CTNND2: variants seen among roughly 807,000 people sequenced by gnomAD.
CTNND2 encodes catenin delta-2.
Under a neutral mutation model 144.4 loss-of-function variants are expected in CTNND2, and 22 were observed. The ratio of observed to expected loss-of-function variants is 0.15; its 90% CI spans 0.11 to 0.22. CTNND2 has a LOEUF of 0.22. CTNND2 is among the 10% of genes least tolerant of loss of function. The pLI, the probability that CTNND2 is intolerant of heterozygous loss-of-function variation, is 1.00. For synonymous variants in CTNND2, 751 were observed against 695.6 expected (o/e 1.08, Z -1.25); for missense variants, 1,353 against 1,618.8 (o/e 0.84, Z 2.82).
intron 9 of CTNND2, among the ~76,000 whole-genome samples, chr5:11,237,038 T>A (rs981236708): frequency 6.6e-6 from 1 of 151,050 alleles, no homozygotes; most frequent in Non-Finnish European, 1.5e-5. Context: ...TTTTTTTTTT[T>A]AGACAGAATC....
intron 2 of CTNND2, among the ~76,000 whole-genome samples, chr5:11,600,892 TG>T (rs1450283998): frequency 6.6e-6 from 1 of 151,654 alleles, no homozygotes; most frequent in Non-Finnish European, 1.5e-5. Flanking sequence ...GTAGACATTG[TG>T]AAGTCATCCA....
intron 3 of CTNND2, among the ~76,000 whole-genome samples, chr5:11,422,630 A>AG (rs1762464762): frequency 8.0e-6 from 1 of 124,546 alleles, no homozygotes; most frequent in African/African-American, 5.1e-5. Context: ...CAGCCAAACC[A>AG]GGGAGAATTC....
At chr5:11,117,336 G>A in intron 13 of CTNND2, 114 bp downstream of exon 13, 1 of 784,230 alleles carries the variant, frequency 1.3e-6, no homozygotes, top group East Asian at 2.5e-5. Flanking sequence ...CCAGGAGAGA[G>A]TTCAGAAGGA....
intron 3 of CTNND2, among the ~76,000 whole-genome samples, chr5:11,552,097 C>G (rs1775814335): frequency 6.6e-6 from 1 of 152,190 alleles, no homozygotes; most frequent in African/African-American, 2.4e-5. Flanking sequence ...AGTAAAACCC[C>G]AGAAGGCAAG....
At chr5:11,381,801 A>G (rs1758507886) in intron 7 of CTNND2, among the ~76,000 whole-genome samples, 1 of 151,936 alleles carries the variant, frequency 6.6e-6, no homozygotes, top group Non-Finnish European at 1.5e-5. Context: ...CCCCGTCTCT[A>G]CTAAAAATAC....
chr5:11,717,623 A>G (rs1041090379), intron 2 of CTNND2, among the ~76,000 whole-genome samples: 1 of 152,082 alleles, frequency 6.6e-6, no homozygotes, highest in Non-Finnish European at 1.5e-5. Context: ...TTATAAAGGA[A>G]AGAGGTTTAA....
intron 3 of CTNND2, among the ~76,000 whole-genome samples, chr5:11,549,004 T>G (rs537333014): frequency 3.3e-5 from 5 of 152,322 alleles, no homozygotes; most frequent in African/African-American, 1.2e-4. Context: ...CCCCAAAAGG[T>G]AGTTTAACTA....
chr5:11,237,633 TG>T (rs1228560121), intron 9 of CTNND2, among the ~76,000 whole-genome samples: 1 of 152,144 alleles, frequency 6.6e-6, no homozygotes, highest in Non-Finnish European at 1.5e-5. Context: ...CCCAAATAGC[TG>T]GGGTTACAGG....
intron 12 of CTNND2, among the ~76,000 whole-genome samples, chr5:11,136,691 T>C (rs965595370): frequency 2.0e-5 from 3 of 152,246 alleles, no homozygotes; most frequent in African/African-American, 4.8e-5. Flanking sequence ...CATGTATCTC[T>C]TATATGTTCT....
intron 15 of CTNND2, among the ~76,000 whole-genome samples, chr5:11,093,124 T>C (rs1750947586): frequency 6.6e-6 from 1 of 152,216 alleles, no homozygotes; most frequent in Non-Finnish European, 1.5e-5. Flanking sequence ...ATTTTTAAAA[T>C]AAATGGCAAA....
intron 9 of CTNND2, among the ~76,000 whole-genome samples, chr5:11,330,901 T>C (rs1403038737): frequency 5.9e-5 from 9 of 152,172 alleles, no homozygotes; most frequent in Non-Finnish European, 1.3e-4. Context: ...TACGCAGTGT[T>C]TGAGTTCCTA....
chr5:11,201,380 G>C (rs938223352), intron 10 of CTNND2, among the ~76,000 whole-genome samples: 1 of 151,876 alleles, frequency 6.6e-6, no homozygotes, highest in South Asian at 2.1e-4. Flanking sequence ...CCTCTTTAAA[G>C]ACAACAAACA....
intron 1 of CTNND2, among the ~76,000 whole-genome samples, chr5:11,887,569 A>G (rs561523652): frequency 1.4e-4 from 21 of 152,206 alleles, no homozygotes; most frequent in African/African-American, 5.1e-4. Context: ...TTTATCTTTT[A>G]GGACCTAATT....
At chr5:11,208,799 A>C (rs1738317889) in intron 10 of CTNND2, among the ~76,000 whole-genome samples, 1 of 152,218 alleles carries the variant, frequency 6.6e-6, no homozygotes, top group African/African-American at 2.4e-5. Context: ...CATTATAAAC[A>C]AACTTAAAGT....
chr5:11,164,301 CT>C (rs1482045172), intron 11 of CTNND2, among the ~76,000 whole-genome samples: 2 of 152,070 alleles, frequency 1.3e-5, no homozygotes, highest in African/African-American at 4.8e-5. Context: ...AGGGGGTGGG[CT>C]TTTTTTGCAG....
At chr5:10,982,825 A>G (rs1194988894) in intron 20 of CTNND2, among the ~76,000 whole-genome samples, 2 of 152,242 alleles carry the variant, frequency 1.3e-5, no homozygotes, top group Non-Finnish European at 2.9e-5. Flanking sequence ...CCATAAAAAG[A>G]ATGAAATCCT....
intron 9 of CTNND2, among the ~76,000 whole-genome samples, chr5:11,278,076 A>G (rs1746735774): frequency 2.6e-5 from 4 of 152,110 alleles, no homozygotes. Context: ...AAATCCCAAT[A>G]TCCCTCCAAC....
At chr5:11,745,810 G>A in intron 1 of CTNND2, among the ~76,000 whole-genome samples, 1 of 151,982 alleles carries the variant, frequency 6.6e-6, no homozygotes, top group East Asian at 1.9e-4. Flanking sequence ...TTATTTGAGT[G>A]GATCTCAGCA....
chr5:11,089,217 G>T (rs1406299495), intron 15 of CTNND2, among the ~76,000 whole-genome samples: 1 of 152,144 alleles, frequency 6.6e-6, no homozygotes, highest in Non-Finnish European at 1.5e-5. Context: ...TTGGGTATTT[G>T]CCTATGTGGG....
Sources: gnomAD v4.1 joint callset for allele counts (sites outside exome capture counted in the v4.1 genomes callset) on GRCh38, gnomAD v4.1.1 for gene constraint, MANE v1.5 for transcripts, NCBI Gene and HGNC (gene_info 2026-07-23, HGNC 2026-07-21) for gene names.